SPRR2G: variants seen among roughly 807,000 people sequenced by gnomAD.
The protein encoded by SPRR2G is small proline rich protein 2G.
Under a neutral mutation model 0.7 loss-of-function variants are expected in SPRR2G, and 1 was observed. The observed-to-expected ratio is 1.49, with a 90% CI of 0.53 to 7.06. SPRR2G has a LOEUF of 7.06. SPRR2G is among the 30% of genes most tolerant of loss of function. The probability of loss-of-function intolerance (pLI) is 0.14; values close to 1 mark genes in which losing one functional copy is unlikely to be tolerated. For synonymous variants in SPRR2G, 38 were observed against 33.9 expected (o/e 1.12, Z -0.42); for missense variants, 96 against 88.5 (o/e 1.09, Z -0.34).
chr1:153,167,863 A>G, the SPRR2G span, among the ~76,000 whole-genome samples: 1 of 152,248 alleles, frequency 6.6e-6, no homozygotes, highest in African/African-American at 2.4e-5. Flanking sequence ...AGAAGATTCA[A>G]CAAAAAATAC....
At chr1:153,190,103 C>T in the SPRR2G span, 1 of 152,210 alleles carries the variant, frequency 6.6e-6, no homozygotes, top group Non-Finnish European at 1.5e-5. Context: ...GGGAAAATTT[C>T]CTAGCAGCAG....
At chr1:153,164,922 C>T in the SPRR2G span, among the ~76,000 whole-genome samples, 1 of 152,180 alleles carries the variant, frequency 6.6e-6, no homozygotes, top group Non-Finnish European at 1.5e-5. Context: ...ATAACTTCTA[C>T]ACACTTCTCT....
upstream of SPRR2G, among the ~76,000 whole-genome samples, chr1:153,155,163 C>G (rs970620458): frequency 6.6e-6 from 1 of 152,120 alleles, no homozygotes; most frequent in Non-Finnish European, 1.5e-5. Context: ...TTTCAGTCAT[C>G]ACAAATCTAC....
upstream of SPRR2G, among the ~76,000 whole-genome samples, chr1:153,153,513 A>G (rs1656516419): frequency 1.3e-5 from 2 of 152,164 alleles, no homozygotes; most frequent in Admixed American, 6.5e-5. Context: ...CAACCGTGTA[A>G]AGCTGGGAAT....
At chr1:153,180,955 A>G in the SPRR2G span, among the ~76,000 whole-genome samples, 20 of 152,012 alleles carry the variant, frequency 1.3e-4, no homozygotes, top group Middle Eastern at 3.4e-3. Flanking sequence ...ATATTTTTCT[A>G]TTTGCTCATT....
chr1:153,181,149 T>G, the SPRR2G span, among the ~76,000 whole-genome samples: 5 of 152,214 alleles, frequency 3.3e-5, no homozygotes, highest in South Asian at 8.3e-4. Flanking sequence ...TTTGTCATTT[T>G]TCCACCTTAT....
chr1:153,195,746 C>T, the SPRR2G span, among the ~76,000 whole-genome samples: 1 of 152,214 alleles, frequency 6.6e-6, no homozygotes, highest in Non-Finnish European at 1.5e-5. Context: ...TGCTCCTAAG[C>T]CTGTTTTGAA....
the SPRR2G span, among the ~76,000 whole-genome samples, chr1:153,173,625 C>T: frequency 3.3e-5 from 5 of 152,114 alleles, no homozygotes; most frequent in Admixed American, 2.6e-4. Flanking sequence ...TACTTAGAAA[C>T]TATTTCCTTG....
the SPRR2G span, among the ~76,000 whole-genome samples, chr1:153,178,414 A>G: frequency 6.6e-6 from 1 of 152,166 alleles, no homozygotes; most frequent in Non-Finnish European, 1.5e-5. Flanking sequence ...TATTAGGGGA[A>G]AAATATTTCA....
chr1:153,191,965 A>G, the SPRR2G span, among the ~76,000 whole-genome samples: 1 of 152,208 alleles, frequency 6.6e-6, no homozygotes, highest in East Asian at 1.9e-4. Context: ...CCATTATTCA[A>G]CAACCATTGA....
the SPRR2G span, among the ~76,000 whole-genome samples, chr1:153,197,608 C>T: frequency 6.6e-6 from 1 of 152,138 alleles, no homozygotes; most frequent in Non-Finnish European, 1.5e-5. Flanking sequence ...AAGCCCTTTC[C>T]TGGATTAGGG....
Position 153,149,771 on chromosome 1 carries a change from A to G in SPRR2G, c.*118T>C. The G allele has an allele frequency of 7.6e-7, 1 of 1,315,766 alleles. No individual in the cohort carries two copies. Among genetic ancestry groups the G allele is most frequent in the Non-Finnish European group, 1.1e-6 (1 of 929,654 alleles). 81.5% of individuals were successfully genotyped at this position (1,315,766 alleles called of 1,614,324 possible). A position where few individuals can be genotyped will look rare whatever the true frequency, so the allele number is the denominator to read the frequency against. On this transcript the variant is annotated 3_prime_UTR_variant, in exon 2 of 2. Transcript: ENST00000368748. The stretch of plus-strand genomic sequence containing the variant: ...TTTTCTCTGTCAACGCTCAAGCCAG[A>G]CAGAGGTTAGGGAAGATGCAGCCTC...
the SPRR2G span, among the ~76,000 whole-genome samples, chr1:153,164,882 G>A: frequency 6.6e-6 from 1 of 152,120 alleles, no homozygotes; most frequent in African/African-American, 2.4e-5. Context: ...CTCTCCTCAG[G>A]CTAGAGATGG....
chr1:153,188,134 T>C, the SPRR2G span, among the ~76,000 whole-genome samples: 1 of 152,188 alleles, frequency 6.6e-6, no homozygotes, highest in African/African-American at 2.4e-5. Flanking sequence ...GTATGAGGTA[T>C]CTGTCGACCA....
chr1:153,177,554 G>T, the SPRR2G span, among the ~76,000 whole-genome samples: 1 of 152,062 alleles, frequency 6.6e-6, no homozygotes, highest in African/African-American at 2.4e-5. Context: ...GGTCTGAAAT[G>T]ATATCTTATG....
chr1:153,166,155 T>C, the SPRR2G span, among the ~76,000 whole-genome samples: 46 of 152,276 alleles, frequency 3.0e-4, no homozygotes, highest in African/African-American at 9.9e-4. Context: ...ACCTATATAC[T>C]GGGTGGGTTG....
At chr1:153,194,843 G>A in the SPRR2G span, among the ~76,000 whole-genome samples, 10 of 152,192 alleles carry the variant, frequency 6.6e-5, no homozygotes, top group Non-Finnish European at 1.3e-4. Context: ...CTCCAATGGA[G>A]GCAACCATGG....
chr1:153,169,290 TC>T, the SPRR2G span, among the ~76,000 whole-genome samples: 767 of 151,926 alleles, frequency 5.0e-3, 11 homozygotes, highest in Middle Eastern at 0.02. Context: ...CCAGCCGGGG[TC>T]GCGGTGGCTC....
chr1:153,202,333 A>C, the SPRR2G span, among the ~76,000 whole-genome samples: 1 of 152,150 alleles, frequency 6.6e-6, no homozygotes, highest in East Asian at 1.9e-4. Flanking sequence ...ACCTACTAAT[A>C]CCAGAATCTA....
Sources: gnomAD v4.1 joint callset for allele counts (sites outside exome capture counted in the v4.1 genomes callset) on GRCh38, gnomAD v4.1.1 for gene constraint, MANE v1.5 for transcripts, NCBI Gene and HGNC (gene_info 2026-07-23, HGNC 2026-07-21) for gene names.